DEPTOR: variants seen among roughly 807,000 people sequenced by gnomAD.
DEPTOR encodes DEP domain containing MTOR interacting protein.
A neutral mutation model predicts 41.6 loss-of-function variants in DEPTOR; 41 were observed. The observed-to-expected ratio is 0.98, with a 90% CI of 0.77 to 1.28. The LOEUF (loss-of-function observed/expected upper bound fraction) is 1.28, where lower values mean the gene tolerates loss of function less well. DEPTOR is among the 50% of genes most tolerant of loss of function. The pLI, the probability that DEPTOR is intolerant of heterozygous loss-of-function variation, is 0.00. For missense variants in DEPTOR, 514 were observed against 527.9 expected (o/e 0.97, Z 0.26); for synonymous variants, 195 against 192.3 (o/e 1.01, Z -0.12).
chr8:119,901,067 A>G (rs1421881062), intron 1 of DEPTOR, among the ~76,000 whole-genome samples: 1 of 152,222 alleles, frequency 6.6e-6, no homozygotes, highest in Admixed American at 6.5e-5. Context: ...GATTTTAAGA[A>G]TTGAATCTCT....
chr8:119,952,356 C>T (rs1340103920), intron 3 of DEPTOR, among the ~76,000 whole-genome samples: 1 of 152,116 alleles, frequency 6.6e-6, no homozygotes, highest in East Asian at 1.9e-4. Flanking sequence ...TGGTGCAGCC[C>T]CTCACCTCCA....
At chr8:119,888,208 A>G (rs1326739111) in intron 1 of DEPTOR, among the ~76,000 whole-genome samples, 1 of 152,028 alleles carries the variant, frequency 6.6e-6, no homozygotes, top group Non-Finnish European at 1.5e-5. Flanking sequence ...ACAACATCAT[A>G]TTTTTCTCCT....
chr8:119,945,403 A>G (rs576181637), intron 3 of DEPTOR, among the ~76,000 whole-genome samples: 5 of 152,280 alleles, frequency 3.3e-5, no homozygotes, highest in Admixed American at 2.6e-4. Context: ...GCACCTTCCT[A>G]AGTATTTTTT....
chr8:120,042,021 T>C (rs573259241), intron 8 of DEPTOR, among the ~76,000 whole-genome samples: 20 of 152,218 alleles, frequency 1.3e-4, no homozygotes, highest in South Asian at 6.2e-4. Context: ...GAGCTCATGA[T>C]TGATCCCTTT....
chr8:120,046,086 G>A (rs1246983586), intron 8 of DEPTOR, among the ~76,000 whole-genome samples: 6 of 152,070 alleles, frequency 3.9e-5, no homozygotes, highest in Non-Finnish European at 7.4e-5. Flanking sequence ...CTAGACAGAA[G>A]GGAGATCCTT....
intron 3 of DEPTOR, among the ~76,000 whole-genome samples, chr8:119,938,401 T>C (rs1162206603): frequency 1.3e-5 from 2 of 152,220 alleles, no homozygotes; most frequent in African/African-American, 2.4e-5. Context: ...TTAATAACTT[T>C]AGAACAAAAT....
chr8:119,927,568 T>C (rs1034673632), intron 1 of DEPTOR, among the ~76,000 whole-genome samples: 1 of 147,688 alleles, frequency 6.8e-6, no homozygotes, highest in African/African-American at 2.5e-5. Flanking sequence ...GACACATATA[T>C]ACATATATAT....
chr8:119,907,785 CAA>C (rs34284385), intron 1 of DEPTOR, among the ~76,000 whole-genome samples: 7 of 151,146 alleles, frequency 4.6e-5, no homozygotes, highest in Admixed American at 4.6e-4. Flanking sequence ...TCTCAAAAAA[CAA>C]AAAAAAAGGG....
chr8:119,976,430 T>C (rs746249659), intron 4 of DEPTOR, among the ~76,000 whole-genome samples: 4 of 152,064 alleles, frequency 2.6e-5, no homozygotes, highest in Non-Finnish European at 5.9e-5. Flanking sequence ...AATGAACAAG[T>C]GACAAAAGTG....
chr8:119,956,715 A>C (rs1339550803), intron 3 of DEPTOR, among the ~76,000 whole-genome samples: 3 of 133,884 alleles, frequency 2.2e-5, no homozygotes, highest in Admixed American at 7.6e-5. Context: ...TTTTTAAGAG[A>C]CAGGGTTTTT....
chr8:119,940,299 A>G (rs911170914), intron 3 of DEPTOR, among the ~76,000 whole-genome samples: 1 of 152,214 alleles, frequency 6.6e-6, no homozygotes, highest in African/African-American at 2.4e-5. Flanking sequence ...CCAAAAGTAG[A>G]AAAGCAGGAT....
At chr8:119,974,750 C>A (rs1175909812) in intron 4 of DEPTOR, among the ~76,000 whole-genome samples, 10 of 149,576 alleles carry the variant, frequency 6.7e-5, no homozygotes, top group Non-Finnish European at 1.0e-4. Flanking sequence ...CCAGCCTGGG[C>A]GACAGAGCAA....
chr8:119,927,530 ATG>A (rs1411555979), intron 1 of DEPTOR, among the ~76,000 whole-genome samples: 4 of 150,090 alleles, frequency 2.7e-5, no homozygotes, highest in Admixed American at 6.7e-5. Context: ...TTCCTTTATG[ATG>A]GCAAGATTGG....
intron 3 of DEPTOR, among the ~76,000 whole-genome samples, chr8:119,943,534 C>T (rs971004523): frequency 6.6e-6 from 1 of 152,116 alleles, no homozygotes; most frequent in Admixed American, 6.6e-5. Context: ...TCACCTCCCA[C>T]CCAGGTCCCT....
rs188101652 is a variant in DEPTOR at position 119,894,951 on chromosome 8, C to T, written c.122+20983C>T. Among the ~76,000 whole-genome samples, 371 of 152,264 alleles carry T rather than the reference C, an allele frequency of 2.4e-3. 2 individuals carry two copies. Among genetic ancestry groups the T allele is most frequent in the African/African-American group, 7.9e-3 (330 of 41,554 alleles). On this transcript the variant is annotated intron_variant, in intron 1 of 8. Coordinates refer to ENST00000286234, the MANE Select transcript of DEPTOR (RefSeq NM_022783.4). ...AGGTAGACATTTGTACCACACGAGG[C>T]CATGTGGCTTTGGGAATCGAATCTG...
intron 4 of DEPTOR, among the ~76,000 whole-genome samples, chr8:119,986,127 G>A (rs1199677726): frequency 6.6e-6 from 1 of 151,968 alleles, no homozygotes; most frequent in African/African-American, 2.4e-5. Flanking sequence ...TAGTGTCAAT[G>A]GTCTTTACAA....
intron 8 of DEPTOR, among the ~76,000 whole-genome samples, chr8:120,015,076 T>TA (rs1287129303): frequency 6.6e-6 from 1 of 152,178 alleles, no homozygotes; most frequent in Non-Finnish European, 1.5e-5. Context: ...CAAGAAAATC[T>TA]AATTAAGTGA....
At chr8:119,874,148 T>A in intron 1 of DEPTOR, 180 bp downstream of exon 1, 1 of 977,880 alleles carries the variant, frequency 1.0e-6, no homozygotes, top group Non-Finnish European at 1.5e-6. Context: ...CCTCGGTCCC[T>A]GAGGACTCGC....
chr8:120,002,912 C>T (rs1812376093), intron 5 of DEPTOR, 65 bp from the exon 6 acceptor site: 2 of 1,520,360 alleles, frequency 1.3e-6, no homozygotes, highest in South Asian at 2.5e-5. Flanking sequence ...CAGTTGAAAG[C>T]CTATGTGCTC....
Sources: gnomAD v4.1 joint callset for allele counts (sites outside exome capture counted in the v4.1 genomes callset) on GRCh38, gnomAD v4.1.1 for gene constraint, MANE v1.5 for transcripts, NCBI Gene and HGNC (gene_info 2026-07-23, HGNC 2026-07-21) for gene names.